The following R3HDM1 variants were observed in gnomAD, a reference collection of about 807,000 sequenced individuals.
The protein encoded by R3HDM1 is R3H domain containing 1.
R3HDM1 carries 46 observed loss-of-function variants against 141.1 expected under a neutral mutation model. That is an observed-to-expected ratio of 0.33 (90% CI 0.26 to 0.42). The LOEUF (loss-of-function observed/expected upper bound fraction) is 0.42. Among genes scored for constraint, R3HDM1 ranks in the 10% least tolerant of loss-of-function variants. The pLI, the probability that R3HDM1 is intolerant of heterozygous loss-of-function variation, is 1.00. For synonymous variants in R3HDM1, 435 were observed against 472.9 expected, an observed-to-expected ratio of 0.92 and a Z score of 1.04; for missense variants, 1,184 against 1,368.3, an observed-to-expected ratio of 0.87 and a Z score of 2.12.
chr2:135,712,740 T>G (rs1041259125), intron 23 of R3HDM1, among the ~76,000 whole-genome samples: 6 of 149,350 alleles, frequency 4.0e-5, no homozygotes, highest in African/African-American at 1.2e-4. Context: ...GTTAACATGG[T>G]GAAACCCCGT....
At chr2:135,639,297 A>G (rs1467972298) in intron 14 of R3HDM1, 175 bp downstream of exon 14, 1 of 610,568 alleles carries the variant, frequency 1.6e-6, no homozygotes, top group Non-Finnish European at 2.9e-6. Flanking sequence ...ATGAGGATTC[A>G]CTCTCTGTCC....
chr2:135,629,924 C>T (rs1254317537), intron 7 of R3HDM1, among the ~76,000 whole-genome samples: 1 of 152,022 alleles, frequency 6.6e-6, no homozygotes, highest in African/African-American at 2.4e-5. Context: ...AGACAATATA[C>T]TCCTGCTGTA....
At chr2:135,589,980 G>A (rs992429842) in intron 1 of R3HDM1, among the ~76,000 whole-genome samples, 6 of 152,056 alleles carry the variant, frequency 3.9e-5, no homozygotes, top group African/African-American at 9.7e-5. Context: ...GTCCCTAAAA[G>A]CATGTGTAAA....
intron 1 of R3HDM1, among the ~76,000 whole-genome samples, chr2:135,587,402 T>C (rs1708182941): frequency 6.6e-6 from 1 of 152,208 alleles, no homozygotes; most frequent in Non-Finnish European, 1.5e-5. Context: ...ATTTTGTTCT[T>C]AAGAAATAAT....
chr2:135,587,473 A>G (rs1421365080), intron 1 of R3HDM1, among the ~76,000 whole-genome samples: 1 of 152,206 alleles, frequency 6.6e-6, no homozygotes, highest in African/African-American at 2.4e-5. Context: ...TCAACGCTGA[A>G]TGTCATTGCT....
chr2:135,536,623 C>T, intron 1 of R3HDM1: 1 of 892,486 alleles, frequency 1.1e-6, no homozygotes, highest in Non-Finnish European at 1.3e-6. Flanking sequence ...ATTGTCTGAT[C>T]TAAGCGTTTA....
rs562565093 is a variant in R3HDM1, at chr2:135,588,976, A to G, written c.-249-13524A>G. 2.1e-3 allele frequency among the ~76,000 whole-genome samples: 319 copies of G among 152,264 alleles called. 4 individuals carry two copies. Among genetic ancestry groups the G allele is most frequent in the African/African-American group, 7.5e-3 (310 of 41,580 alleles). On this transcript the variant is annotated intron_variant, in intron 1 of 26. Coordinates refer to ENST00000683871, the MANE Select transcript of R3HDM1 (RefSeq NM_001378107.1). ...TTATAGAAAGTTGCGAAAACAGTAC[A>G]GAGAGTATTTTTTAATGTTTTCCTC... is the stretch of plus-strand genomic sequence containing the variant.
chr2:135,618,266 C>A (rs1294864993), intron 5 of R3HDM1, among the ~76,000 whole-genome samples: 1 of 151,198 alleles, frequency 6.6e-6, no homozygotes, highest in East Asian at 2.0e-4. Context: ...CAGGTTCAAG[C>A]CATTCTGCCT....
chr2:135,621,514 A>G lies in R3HDM1; in HGVS notation c.324A>G (p.Leu108=). The G allele has an allele frequency of 6.3e-7, 1 of 1,591,014 alleles. No individual in the cohort carries two copies. The highest frequency in any genetic ancestry group is 8.5e-7 in the Non-Finnish European group (1 of 1,170,340). The part of the protein sequence containing the change: ...QENQEKIQIQ[L]TQSFEKEEKP... Reference sequence around the variant, plus strand: ...AACAGGAGAAAATTCAGATCCAGTTAACACAATCATTTGAGAAAGAAGAGA... The same window carrying G: ...AACAGGAGAAAATTCAGATCCAGTTGACACAATCATTTGAGAAAGAAGAGA... Residue 108 remains leucine, a synonymous_variant, in exon 6 of 27, where the codon TTA becomes TTG. Coordinates refer to ENST00000683871, the MANE Select transcript of R3HDM1 (RefSeq NM_001378107.1).
Position 135,548,099 on chromosome 2 carries a change from A to T in R3HDM1, c.-250+16466A>T, listed in dbSNP as rs184456011. The stretch of plus-strand genomic sequence containing the variant: ...AGTCTTTTTTCTGACATCAGACTTG[A>T]TTGATGCATAGAATGCTAAGTACAG... On this transcript the variant is annotated intron_variant, in intron 1 of 26. Coordinates refer to ENST00000683871, the MANE Select transcript of R3HDM1 (RefSeq NM_001378107.1). 4.6e-5 allele frequency among the ~76,000 whole-genome samples: 7 copies of T among 152,226 alleles called. No homozygotes were observed. The East Asian group carries it at 1.3e-3, about 29-fold the overall frequency.
chr2:135,582,753 T>C (rs560522084), intron 1 of R3HDM1, among the ~76,000 whole-genome samples: 1 of 152,362 alleles, frequency 6.6e-6, no homozygotes, highest in South Asian at 2.1e-4. Context: ...TAGGAGAATG[T>C]TGTATATTTG....
intron 21 of R3HDM1, among the ~76,000 whole-genome samples, chr2:135,687,640 C>T (rs2071586475): frequency 6.6e-6 from 1 of 151,738 alleles, no homozygotes; most frequent in Non-Finnish European, 1.5e-5. Flanking sequence ...TTGGCTCTTA[C>T]TCCCAATTAG....
At chr2:135,713,009 CT>C (rs2075825131) in intron 23 of R3HDM1, among the ~76,000 whole-genome samples, 1 of 152,056 alleles carries the variant, frequency 6.6e-6, no homozygotes, top group African/African-American at 2.4e-5. Context: ...CAAGAGCAGC[CT>C]AGACAACATA....
At chr2:135,608,166 A>G (rs1338854473) in intron 3 of R3HDM1, among the ~76,000 whole-genome samples, 1 of 152,084 alleles carries the variant, frequency 6.6e-6, no homozygotes, top group Non-Finnish European at 1.5e-5. Context: ...ATACAAAAAA[A>G]TTAGCTGGGC....
chr2:135,551,932 C>T (rs984374338), intron 1 of R3HDM1, among the ~76,000 whole-genome samples: 1 of 152,070 alleles, frequency 6.6e-6, no homozygotes, highest in Non-Finnish European at 1.5e-5. Flanking sequence ...TTTGTTGATG[C>T]TAGTATTTAT....
intron 21 of R3HDM1, among the ~76,000 whole-genome samples, chr2:135,691,884 C>G (rs1330309221): frequency 6.6e-6 from 1 of 152,000 alleles, no homozygotes. Flanking sequence ...TCACTATACA[C>G]CAATATAATC....
chr2:135,628,534 C>T (rs2062284635), intron 7 of R3HDM1, among the ~76,000 whole-genome samples: 1 of 152,186 alleles, frequency 6.6e-6, no homozygotes, highest in African/African-American at 2.4e-5. Context: ...TTGAAATATT[C>T]TTATACCTGC....
intron 19 of R3HDM1, among the ~76,000 whole-genome samples, chr2:135,668,059 TAAC>T (rs1178471450): frequency 3.9e-5 from 6 of 152,330 alleles, no homozygotes; most frequent in Non-Finnish European, 8.8e-5. Context: ...TATTTTATGT[TAAC>T]AATTATTTTA....
At chr2:135,612,252 A>T (rs183843803) in intron 3 of R3HDM1, among the ~76,000 whole-genome samples, 2 of 152,156 alleles carry the variant, frequency 1.3e-5, no homozygotes, top group Non-Finnish European at 2.9e-5. Context: ...CTTCCTTACA[A>T]TTGCCACTAA....
Sources: gnomAD v4.1 joint callset for allele counts (sites outside exome capture counted in the v4.1 genomes callset) on GRCh38, gnomAD v4.1.1 for gene constraint, MANE v1.5 for transcripts, NCBI Gene and HGNC (gene_info 2026-07-23, HGNC 2026-07-21) for gene names.